RRBP1: variants seen among roughly 807,000 people sequenced by gnomAD.
RRBP1 encodes ribosome-binding protein 1.
Under a neutral mutation model 165.2 loss-of-function variants are expected in RRBP1, and 94 were observed. That is an observed-to-expected ratio of 0.57 (90% CI 0.48 to 0.68). The LOEUF (loss-of-function observed/expected upper bound fraction) is 0.68, where lower values mean the gene tolerates loss of function less well. RRBP1 is among the 30% of genes least tolerant of loss of function. The pLI, the probability that RRBP1 is intolerant of heterozygous loss-of-function variation, is 0.00. For synonymous variants in RRBP1, 680 were observed against 714.5 expected, an observed-to-expected ratio of 0.95 and a Z score of 0.77; for missense variants, 1,676 against 1,763.0, an observed-to-expected ratio of 0.95 and a Z score of 0.88.
At chr20:17,664,208 T>C (rs2036823914) in intron 2 of RRBP1, among the ~76,000 whole-genome samples, 1 of 152,086 alleles carries the variant, frequency 6.6e-6, no homozygotes, top group Admixed American at 6.6e-5. Flanking sequence ...TACCAGACAG[T>C]GGATCTGAAA....
chr20:17,636,459 T>C, intron 6 of RRBP1, 118 bp downstream of exon 6: 2 of 1,241,774 alleles, frequency 1.6e-6, no homozygotes, highest in South Asian at 2.7e-5. Context: ...TACAGACCCC[T>C]GTGGGCATCC....
At chr20:17,653,129 C>A (rs2036586752) in intron 3 of RRBP1, among the ~76,000 whole-genome samples, 1 of 152,236 alleles carries the variant, frequency 6.6e-6, no homozygotes, top group Non-Finnish European at 1.5e-5. Context: ...GCGCCACCGA[C>A]AACTGACTGC....
chr20:17,621,800 C>T, intron 14 of RRBP1, 27 bp from the exon 15 acceptor site: 1 of 1,613,476 alleles, frequency 6.2e-7, no homozygotes, highest in Non-Finnish European at 8.5e-7. Flanking sequence ...TCGGTGAGAC[C>T]CGGGGACATT....
chr20:17,642,973 G>T lies in RRBP1; in HGVS notation c.2061+6C>A. 6.2e-7 allele frequency: 1 copy of T among 1,613,030 alleles called. No homozygotes were observed. The highest frequency in any genetic ancestry group is 1.1e-5 in the South Asian group (1 of 91,024). On this transcript the variant is annotated splice_donor_region_variant and intron_variant, in intron 4 of 24. Transcript: ENST00000377813. Reference sequence around the variant, plus strand: ...CTGAGCATGGCCAGCAGGAGGGTGGGCCCACCTTGTGCCAGGTGTCCTGAA... The same window carrying T: ...CTGAGCATGGCCAGCAGGAGGGTGGTCCCACCTTGTGCCAGGTGTCCTGAA...
chr20:17,651,373 A>G (rs115996042), intron 3 of RRBP1, among the ~76,000 whole-genome samples: 2,496 of 152,326 alleles, frequency 0.016, 80 homozygotes, highest in African/African-American at 0.057. Context: ...TTGACTTGAC[A>G]ATTACTTATC....
At chr20:17,671,598 G>T (rs894977718) in intron 2 of RRBP1, among the ~76,000 whole-genome samples, 4 of 152,162 alleles carry the variant, frequency 2.6e-5, no homozygotes, top group Non-Finnish European at 5.9e-5. Context: ...GTGAGAATGG[G>T]CTTACCTCTG....
In RRBP1 at chr20:17,627,529, T is replaced by C. The variant is rs1447629045; in HGVS notation, c.2903A>G (p.Gln968Arg). 3 of 1,611,944 alleles carry C rather than the reference T, an allele frequency of 1.9e-6. No homozygotes were observed. Among genetic ancestry groups the C allele is most frequent in the African/African-American group, 2.7e-5 (2 of 74,900 alleles). ...RSIEALLEAG[Q>R]ARDAQDVQAS... ...CTGGACGTCCTGGGCATCCCGCGCC[T>C]GGCCCGCCTCCAGCAGGGCCTCAAT... Residue 968 changes from glutamine to arginine, a missense_variant, in exon 10 of 25, where the codon CAG (glutamine) becomes CGG (arginine). This residue lies in a region of RRBP1 where 1,184 missense variants were observed against 1,167.1 expected (regional missense o/e 1.01). Transcript: ENST00000377813.
Position 17,659,050 on chromosome 20 carries a change from C to G in RRBP1, c.1458G>C (p.Gln486His). Residue 486 changes from glutamine (Q) to histidine (H), a missense_variant, in exon 3 of 25, where the codon CAG (glutamine) becomes CAC (histidine). By Grantham distance (24) the Gln-to-His change is conservative. Transcript: ENST00000377813. ...CCCCCTCGGCCTTCTTGCCCTGGTTCTGGGCCCCCTCAGCCTTCTTGCCCT... is the reference window on the plus strand; with the variant it reads ...CCCCCTCGGCCTTCTTGCCCTGGTTGTGGGCCCCCTCAGCCTTCTTGCCCT... ...QNQGKKAEGA[Q>H]NQGKKAEGAQ... The G allele has an allele frequency of 6.4e-7, 1 of 1,555,986 alleles. No homozygotes were observed. Among genetic ancestry groups the G allele is most frequent in the African/African-American group, 1.4e-5 (1 of 73,030 alleles).
intron 3 of RRBP1, among the ~76,000 whole-genome samples, chr20:17,650,464 G>T (rs1370555376): frequency 6.6e-6 from 1 of 152,216 alleles, no homozygotes; most frequent in African/African-American, 2.4e-5. Context: ...CAAGACAGAA[G>T]TGCCATGTCC....
intron 12 of RRBP1, among the ~76,000 whole-genome samples, chr20:17,625,032 G>A (rs2035989889): frequency 6.6e-6 from 1 of 152,208 alleles, no homozygotes; most frequent in Non-Finnish European, 1.5e-5. Context: ...CTGGCACAGG[G>A]AGGCCAAGGC....
intron 2 of RRBP1, among the ~76,000 whole-genome samples, chr20:17,668,719 G>T (rs1239410255): frequency 6.6e-6 from 1 of 152,212 alleles, no homozygotes; most frequent in East Asian, 1.9e-4. Context: ...GTGAGAGAAG[G>T]CTCAGTTCCC....
chr20:17,670,617 T>C (rs575730378), intron 2 of RRBP1, among the ~76,000 whole-genome samples: 40 of 152,314 alleles, frequency 2.6e-4, no homozygotes, highest in African/African-American at 9.1e-4. Context: ...TTTAGAACTG[T>C]CCAAATATTT....
chr20:17,631,572 G>A (rs1274578341), intron 8 of RRBP1, among the ~76,000 whole-genome samples: 1 of 152,266 alleles, frequency 6.6e-6, no homozygotes, highest in Non-Finnish European at 1.5e-5. Context: ...AATTTCAGAA[G>A]CGGGTCCCGT....
intron 20 of RRBP1, 47 bp downstream of exon 20, chr20:17,618,549 A>G (rs2035845410): frequency 1.4e-6 from 2 of 1,418,700 alleles, no homozygotes; most frequent in Admixed American, 1.7e-5. Flanking sequence ...TCACACACGC[A>G]ACGCCCCAGG....
Position 17,660,453 on chromosome 20 carries a change from C to T in RRBP1, c.55G>A (p.Val19Ile). 6.2e-7 allele frequency: 1 copy of T among 1,614,198 alleles called. No homozygotes were observed. The change falls in exon 3 of 25, where the codon GTT becomes ATT. Residue 19 changes from valine (V) to isoleucine (I), a missense_variant. Physicochemically the swap from Val to Ile is conservative, Grantham distance 29 (BLOSUM62 3). Transcript: ENST00000377813. ...LGVVVFGGFM[V>I]VSAIGIFLVS... ...AGGAAGATGCCAATGGCAGAAACAA[C>T]CATGAATCCTCCAAAGACCACAACC...
intron 2 of RRBP1, among the ~76,000 whole-genome samples, chr20:17,676,873 G>T (rs1215386622): frequency 6.6e-6 from 1 of 152,108 alleles, no homozygotes; most frequent in Non-Finnish European, 1.5e-5. Context: ...TCAGCCACCT[G>T]AGTAGCCAGG....
rs1230652003 is a variant in RRBP1, at chr20:17,613,894, A to C, written c.*288T>G. On this transcript the variant is annotated 3_prime_UTR_variant, in exon 25 of 25. Transcript: ENST00000377813. ...CAGACCCCAGAGCGCCCGGCCTCCC[A>C]CACACCCACGGGGCTGTCAGAGTCA... 5.3e-6 allele frequency: 2 copies of C among 376,168 alleles called. No individual in the cohort carries two copies. The highest frequency in any genetic ancestry group is 4.1e-5 in the African/African-American group (2 of 48,818). 23.3% of individuals were successfully genotyped at this position (376,168 alleles called of 1,614,324 possible). A position where few individuals can be genotyped will look rare whatever the true frequency, so the allele number is the denominator to read the frequency against.
chr20:17,617,957 G>A (rs1568751224), intron 20 of RRBP1, among the ~76,000 whole-genome samples: 3 of 152,254 alleles, frequency 2.0e-5, no homozygotes, highest in Admixed American at 6.5e-5. Context: ...GGTGGAGCCT[G>A]CCAAGGAGCT....
chr20:17,639,761 C>T (rs1241908453), intron 5 of RRBP1, among the ~76,000 whole-genome samples: 8 of 152,060 alleles, frequency 5.3e-5, no homozygotes, highest in Non-Finnish European at 5.9e-5. Flanking sequence ...GGTATGGTGG[C>T]GCTTGCCTGT....
Sources: gnomAD v4.1 joint callset for allele counts (sites outside exome capture counted in the v4.1 genomes callset) on GRCh38, gnomAD v4.1.1 for gene constraint, gnomAD v4.1.1 regional missense constraint, MANE v1.5 for transcripts, NCBI Gene and HGNC (gene_info 2026-07-23, HGNC 2026-07-21) for gene names.